The following NUDT12 variants were observed in gnomAD, a reference collection of about 807,000 sequenced individuals.
NUDT12 encodes the protein nudix hydrolase 12.
In NUDT12, 42 loss-of-function variants were observed where a neutral mutation model predicts 45.7. The ratio of observed to expected loss-of-function variants is 0.92; its 90% CI spans 0.72 to 1.19. The LOEUF is 1.19. NUDT12 is among the 50% of genes most tolerant of loss of function. The pLI, the probability that NUDT12 is intolerant of heterozygous loss-of-function variation, is 0.00. For synonymous variants in NUDT12, 206 were observed against 179.7 expected, an observed-to-expected ratio of 1.15 and a Z score of -1.17; for missense variants, 590 against 533.1, an observed-to-expected ratio of 1.11 and a Z score of -1.05.
chr5:103,555,773 T>TA (rs763756565), intron 4 of NUDT12, among the ~76,000 whole-genome samples, 158 bp downstream of exon 4: 9 of 152,056 alleles, frequency 5.9e-5, no homozygotes, highest in Non-Finnish European at 1.0e-4. Flanking sequence ...GTTTTTTACT[T>TA]AAAAATCATG....
intron 2 of NUDT12, 58 bp downstream of exon 2, chr5:103,559,985 A>C: frequency 8.2e-7 from 1 of 1,212,890 alleles, no homozygotes; most frequent in Non-Finnish European, 1.2e-6. Context: ...TAAAGTAAAT[A>C]TGTAACAAAG....
Position 103,559,166 on chromosome 5 carries a change from T to C in NUDT12, c.509A>G (p.Gln170Arg). ...CTGACAAAGCCTAACTTCTGGCTGT[T>C]GGAAACTTTCTTTATTGCCACCTAG... The part of the protein sequence containing the change: ...VTLGGNKESF[Q>R]QPEVRLCQLN... The change falls in exon 3 of 7, where the codon CAA becomes CGA. Residue 170 changes from glutamine (Q) to arginine (R), a missense_variant. Gln to Arg is a conservative substitution (Grantham distance 43). Transcript: ENST00000230792. The C allele has an allele frequency of 1.3e-6, 2 of 1,559,908 alleles. No homozygotes were observed. Among genetic ancestry groups the C allele is most frequent in the Non-Finnish European group, 1.7e-6 (2 of 1,156,888 alleles).
At position 103,559,368 on chromosome 5, in the gene NUDT12, C is replaced by A; in HGVS notation, c.307G>T (p.Gly103Cys). The change falls in exon 3 of 7, where the codon GGT becomes TGT. Residue 103 changes from glycine to cysteine, a missense_variant. By Grantham distance (159) the Gly-to-Cys change is radical. Transcript: ENST00000230792. ...HIANLLATAK[G>C]GKKPWFLTNE... Reference sequence around the variant, plus strand: ...GTTAGGAACCAAGGCTTCTTCCCACCTTTAGCAGTAGCTAGTAAATTAGCT... The same window carrying A: ...GTTAGGAACCAAGGCTTCTTCCCACATTTAGCAGTAGCTAGTAAATTAGCT... The A allele has an allele frequency of 6.2e-7, 1 of 1,613,264 alleles. No homozygotes were observed. Among genetic ancestry groups the A allele is most frequent in the Non-Finnish European group, 8.5e-7 (1 of 1,179,566 alleles).
At chr5:103,555,845 C>G (rs1433516762) in intron 4 of NUDT12, 86 bp downstream of exon 4, 17 of 960,860 alleles carry the variant, frequency 1.8e-5, no homozygotes, top group Non-Finnish European at 2.3e-5. Context: ...AAAAGGAAAA[C>G]TCTTTAGCTC....
intron 6 of NUDT12, 119 bp downstream of exon 6, chr5:103,552,098 C>A (rs1359400249): frequency 1.4e-5 from 10 of 711,048 alleles, no homozygotes; most frequent in East Asian, 2.6e-5. Flanking sequence ...GTAATCCATG[C>A]ATAATGAGAG....
rs1269232736 is a variant in NUDT12 at position 103,555,850 on chromosome 5, T to C, written c.964+81A>G. 34 of 1,022,906 alleles carry C rather than the reference T, an allele frequency of 3.3e-5. No individual in the cohort carries two copies. The Admixed American group carries it at 8.0e-4, about 24-fold the overall frequency. 63.4% of individuals were successfully genotyped at this position (1,022,906 alleles called of 1,614,324 possible). A position where few individuals can be genotyped will look rare whatever the true frequency, so the allele number is the denominator to read the frequency against. ...GTTTTCCATAAAAAGGAAAACTCTT[T>C]AGCTCCTCACAAATTTTCTCTTTCC... On this transcript the variant is annotated intron_variant, in intron 4 of 6. Coordinates refer to ENST00000230792, the MANE Select transcript of NUDT12 (RefSeq NM_031438.4).
chr5:103,558,829 C>CAA, intron 3 of NUDT12, 50 bp downstream of exon 3: 1 of 1,320,010 alleles, frequency 7.6e-7, no homozygotes, highest in Non-Finnish European at 1.0e-6. Flanking sequence ...AACTCCAACT[C>CAA]AAGTCTAAAA....
chr5:103,554,340 A>T (rs1156788220), intron 5 of NUDT12, among the ~76,000 whole-genome samples: 2 of 152,016 alleles, frequency 1.3e-5, no homozygotes, highest in Admixed American at 1.3e-4. Context: ...CATAGGGAAA[A>T]ATCAGGAAGG....
At chr5:103,560,525 G>T (rs575642314) in intron 1 of NUDT12, among the ~76,000 whole-genome samples, 8 of 152,182 alleles carry the variant, frequency 5.3e-5, no homozygotes, top group African/African-American at 1.9e-4. Context: ...ATCCTTGGGA[G>T]GGGGAACCAG....
At chr5:103,552,499 A>G (rs1748687069) in intron 5 of NUDT12, 83 bp from the exon 6 acceptor site, 1 of 1,035,694 alleles carries the variant, frequency 9.7e-7, no homozygotes, top group Admixed American at 2.0e-5. Context: ...ACATCTGGAA[A>G]TCACTTTGGA....
intron 2 of NUDT12, chr5:103,559,794 T>A: frequency 1.9e-6 from 1 of 522,278 alleles, no homozygotes; most frequent in Non-Finnish European, 3.4e-6. Context: ...CTGCATTTTC[T>A]ATTTGGGAGG....
chr5:103,549,879 G>A lies in NUDT12; in HGVS notation c.*982C>T, dbSNP rs1442374831. 1 of 152,124 alleles carries A rather than the reference G, an allele frequency of 6.6e-6. No homozygotes were observed. The allele number at this position is 152,124 out of a possible 1,614,324, so 9.4% of individuals were successfully genotyped here. A position where few individuals can be genotyped will look rare whatever the true frequency, so the allele number is the denominator to read the frequency against. On this transcript the variant is annotated 3_prime_UTR_variant, in exon 7 of 7. Transcript: ENST00000230792. ...TTACTTTGTCAAGGCTTCTTAGAAT[G>A]TGTTGAAATAAGGTCAAAGCCAAGA...
chr5:103,558,532 T>C (rs952065238), intron 3 of NUDT12, among the ~76,000 whole-genome samples: 1 of 152,124 alleles, frequency 6.6e-6, no homozygotes, highest in Non-Finnish European at 1.5e-5. Context: ...CCCAATTTCT[T>C]ACCATGCCAT....
rs532868950 is a variant in NUDT12, at chr5:103,560,186, A to G, written c.63T>C (p.Ala21=). Residue 21 remains alanine (A), a synonymous_variant, in exon 2 of 7, where the codon GCT becomes GCC. Transcript: ENST00000230792. ...CTGTTAACTTGGCAATATCTCCTTC[A>G]GCAGCTGAACAGTGAAACTGAGTAA... ...EIVTQFHCSA[A]EGDIAKLTGI... 6.2e-7 allele frequency: 1 copy of G among 1,613,912 alleles called. No homozygotes were observed. The highest frequency in any genetic ancestry group is 2.2e-5 in the East Asian group (1 of 44,862).
chr5:103,561,786 C>T (rs182480830), intron 1 of NUDT12, among the ~76,000 whole-genome samples: 10 of 152,258 alleles, frequency 6.6e-5, no homozygotes, highest in Non-Finnish European at 1.2e-4. Flanking sequence ...CTGGGGTCAC[C>T]GTCACTCCCT....
At chr5:103,555,847 CTT>C in intron 4 of NUDT12, 82 bp downstream of exon 4, 1 of 1,000,198 alleles carries the variant, frequency 1.0e-6, no homozygotes, top group South Asian at 2.8e-5. Flanking sequence ...AAGGAAAACT[CTT>C]TAGCTCCTCA....
intron 3 of NUDT12, among the ~76,000 whole-genome samples, chr5:103,557,237 G>C (rs1748849433): frequency 7.4e-6 from 1 of 135,674 alleles, no homozygotes; most frequent in Non-Finnish European, 1.6e-5. Context: ...AGGGAAAAAA[G>C]CAAGCAACTA....
Position 103,552,443 on chromosome 5 carries a change from T to A in NUDT12, c.1079-27A>T, listed in dbSNP as rs200658684. On this transcript the variant is annotated intron_variant, in intron 5 of 6. Coordinates refer to ENST00000230792, the MANE Select transcript of NUDT12 (RefSeq NM_031438.4). ...TAATGAAATGGAGCAAAAGAACAAGTTGCTGATGAACATGCCCGGGACACT... is the reference window on the plus strand; with the variant it reads ...TAATGAAATGGAGCAAAAGAACAAGATGCTGATGAACATGCCCGGGACACT... 236 of 1,578,038 alleles carry A rather than the reference T, an allele frequency of 1.5e-4. 1 individual carries two copies. In the East Asian group the frequency reaches 5.2e-3, roughly 35 times the overall value.
At position 103,560,087 on chromosome 5, in the gene NUDT12, T is replaced by G; in HGVS notation, c.162A>C (p.Ala54=). ...GGACTATCTCTGGGTGCCCATTCCT[T>G]GCCGCATACATTAAAGCAGTCCAGC... is the stretch of plus-strand genomic sequence containing the variant. The part of the protein sequence containing the change: ...ENGWTALMYA[A]RNGHPEIVQF... The change falls in exon 2 of 7, where the codon GCA becomes GCC. Residue 54 remains alanine (A), a synonymous_variant. Coordinates refer to ENST00000230792, the MANE Select transcript of NUDT12 (RefSeq NM_031438.4). 6.2e-7 allele frequency: 1 copy of G among 1,614,010 alleles called. No homozygotes were observed. The highest frequency in any genetic ancestry group is 1.1e-5 in the South Asian group (1 of 91,070).
Sources: allele counts gnomAD v4.1 joint callset (sites outside exome capture counted in the v4.1 genomes callset), GRCh38; gene constraint gnomAD v4.1.1; transcripts MANE v1.5; gene names NCBI Gene and HGNC (gene_info 2026-07-23, HGNC 2026-07-21).